Variants in GATAD2B observed in about 807,000 individuals in gnomAD.
GATAD2B encodes transcriptional repressor p66-beta.
Under a neutral mutation model 64.3 loss-of-function variants are expected in GATAD2B, and 8 were observed. The observed-to-expected ratio is 0.12, with a 90% CI of 0.07 to 0.22. The LOEUF is 0.22. Among genes scored for constraint, GATAD2B ranks in the 10% least tolerant of loss-of-function variants. The pLI is 1.00. For missense variants in GATAD2B, 453 were observed against 752.0 expected (o/e 0.60, Z 4.65); for synonymous variants, 281 against 271.3 (o/e 1.04, Z -0.35).
intron 1 of GATAD2B, among the ~76,000 whole-genome samples, chr1:153,899,180 G>A (rs1570999824): frequency 6.6e-6 from 1 of 152,276 alleles, no homozygotes; most frequent in East Asian, 1.9e-4. Context: ...GCTTGACCCA[G>A]AAGTTCGAAG....
chr1:153,870,184 C>A (rs1570976039), intron 1 of GATAD2B, among the ~76,000 whole-genome samples: 1 of 152,206 alleles, frequency 6.6e-6, no homozygotes, highest in African/African-American at 2.4e-5. Context: ...CTCCTGGCCT[C>A]AAAAGATCCA....
intron 1 of GATAD2B, among the ~76,000 whole-genome samples, chr1:153,879,753 C>G (rs1386239719): frequency 9.0e-6 from 1 of 111,674 alleles, no homozygotes; most frequent in Non-Finnish European, 1.7e-5. Flanking sequence ...CAGAGCGAGA[C>G]ACTGTCTACA....
chr1:153,915,605 C>A (rs1301116635), intron 1 of GATAD2B, among the ~76,000 whole-genome samples: 1 of 151,820 alleles, frequency 6.6e-6, no homozygotes, highest in Non-Finnish European at 1.5e-5. Flanking sequence ...CAAAGTGGCA[C>A]AGGCCTATAG....
chr1:153,819,235 C>T (rs974761998), intron 3 of GATAD2B, among the ~76,000 whole-genome samples: 1 of 152,244 alleles, frequency 6.6e-6, no homozygotes, highest in African/African-American at 2.4e-5. Context: ...CTTAAAGCCA[C>T]ATTTCCTCTA....
chr1:153,867,066 C>T (rs1396200537), intron 1 of GATAD2B, among the ~76,000 whole-genome samples: 1 of 152,132 alleles, frequency 6.6e-6, no homozygotes, highest in Non-Finnish European at 1.5e-5. Flanking sequence ...ACTCAAGCCA[C>T]CGCCACCTGG....
At chr1:153,865,197 C>T (rs945305319) in intron 1 of GATAD2B, among the ~76,000 whole-genome samples, 4 of 152,028 alleles carry the variant, frequency 2.6e-5, no homozygotes, top group East Asian at 1.9e-4. Context: ...CAGTGGCTCA[C>T]GCCTATAATC....
chr1:153,892,188 A>C lies in GATAD2B; in HGVS notation c.-2+30545T>G, dbSNP rs549122533. ...CAAAAAAAAAAAAAAAAAAAAAAGA[A>C]AAGACAAGACAATTAGGGACAGAAT... On this transcript the variant is annotated intron_variant, in intron 1 of 10. Coordinates refer to ENST00000368655, the MANE Select transcript of GATAD2B (RefSeq NM_020699.4). Among the ~76,000 whole-genome samples the C allele has an allele frequency of 2.8e-3, 425 of 151,436 alleles. 1 individual carries two copies. Among genetic ancestry groups the C allele is most frequent in the East Asian group, 9.1e-3 (47 of 5,156 alleles).
intron 1 of GATAD2B, among the ~76,000 whole-genome samples, chr1:153,907,405 A>T (rs1011206991): frequency 6.6e-6 from 1 of 152,234 alleles, no homozygotes; most frequent in African/African-American, 2.4e-5. Flanking sequence ...ACACAAAAGG[A>T]CAAATGTGGT....
Position 153,816,478 on chromosome 1 carries a change from A to G in GATAD2B, c.1011T>C (p.Pro337=), listed in dbSNP as rs1158791848. The change falls in exon 7 of 11, where the codon CCT becomes CCC. Residue 337 remains proline, a synonymous_variant. Transcript: ENST00000368655. This position sits in a 1 kb window ranked among gnomAD's most constrained non-coding sequence, Gnocchi z 4.9. The stretch of plus-strand genomic sequence containing the variant: ...CAGCATCAGTCATGGCGCTGGGGCT[A>G]GGAAGTGGCGAGGACACTCTGTTCA... ...GTVNRVSSPL[P]SPSAMTDAAN... The G allele has an allele frequency of 6.2e-7, 1 of 1,614,106 alleles. No individual in the cohort carries two copies. Among genetic ancestry groups the G allele is most frequent in the Non-Finnish European group, 8.5e-7 (1 of 1,179,900 alleles).
intron 1 of GATAD2B, chr1:153,853,089 G>A (rs1675962389): frequency 2.0e-6 from 3 of 1,501,962 alleles, no homozygotes; most frequent in South Asian, 1.1e-5. Context: ...AGCACCTTTG[G>A]CATTGGCAAC....
intron 1 of GATAD2B, among the ~76,000 whole-genome samples, chr1:153,839,060 G>T (rs1030447576): frequency 7.5e-6 from 1 of 133,224 alleles, no homozygotes; most frequent in African/African-American, 2.9e-5. Context: ...AGTGAACTGA[G>T]ATCAGGTCAC....
intron 1 of GATAD2B, among the ~76,000 whole-genome samples, chr1:153,917,523 T>C (rs1678311130): frequency 6.6e-6 from 1 of 152,044 alleles, no homozygotes; most frequent in South Asian, 2.1e-4. Flanking sequence ...GCCTCTCAAG[T>C]AGCTGGGATT....
intron 1 of GATAD2B, among the ~76,000 whole-genome samples, chr1:153,876,503 T>C (rs76336129): frequency 0.032 from 4,826 of 152,224 alleles, 263 homozygotes; most frequent in African/African-American, 0.11. Context: ...AGAAAGAGCC[T>C]AGATGACCTT....
At chr1:153,832,215 CAA>C (rs34162294) in intron 1 of GATAD2B, among the ~76,000 whole-genome samples, 7 of 146,708 alleles carry the variant, frequency 4.8e-5, no homozygotes, top group Admixed American at 6.9e-5. Context: ...GACTCCATCT[CAA>C]AAAAAAAAAA....
At chr1:153,907,997 GT>G (rs1285771853) in intron 1 of GATAD2B, among the ~76,000 whole-genome samples, 1 of 152,260 alleles carries the variant, frequency 6.6e-6, no homozygotes, top group East Asian at 1.9e-4. Context: ...TAGAGACTGG[GT>G]TTCACCATGT....
intron 1 of GATAD2B, among the ~76,000 whole-genome samples, chr1:153,857,476 A>T (rs1273029902): frequency 6.6e-6 from 1 of 152,122 alleles, no homozygotes; most frequent in Non-Finnish European, 1.5e-5. Flanking sequence ...CTTGCCTTTG[A>T]TATAGTGTCC....
intron 1 of GATAD2B, among the ~76,000 whole-genome samples, chr1:153,896,134 T>A (rs1677587069): frequency 6.6e-6 from 1 of 152,052 alleles, no homozygotes; most frequent in Non-Finnish European, 1.5e-5. Context: ...CACTCCAGCC[T>A]GGGCAACAGA....
At chr1:153,853,740 C>T (rs1343053104) in intron 1 of GATAD2B, among the ~76,000 whole-genome samples, 1 of 152,106 alleles carries the variant, frequency 6.6e-6, no homozygotes, top group Non-Finnish European at 1.5e-5. Flanking sequence ...AGTTTCAGGT[C>T]TTATGTTTAA....
chr1:153,866,829 T>G (rs972721404), intron 1 of GATAD2B, among the ~76,000 whole-genome samples: 4 of 152,206 alleles, frequency 2.6e-5, no homozygotes, highest in African/African-American at 9.6e-5. Flanking sequence ...GTCGCCAGGC[T>G]GGAGTGCAGT....
Sources: allele counts gnomAD v4.1 joint callset (sites outside exome capture counted in the v4.1 genomes callset), GRCh38; gene constraint gnomAD v4.1.1; non-coding constraint Gnocchi (gnomAD v3.1); transcripts MANE v1.5; gene names NCBI Gene and HGNC (gene_info 2026-07-23, HGNC 2026-07-21).